AGAP1: variants seen among roughly 807,000 people sequenced by gnomAD.
AGAP1 encodes the protein arf-GAP with GTPase, ANK repeat and PH domain-containing protein 1.
In AGAP1, 29 loss-of-function variants were observed where a neutral mutation model predicts 105.3. The observed-to-expected ratio is 0.28, with a 90% CI of 0.21 to 0.38. The LOEUF is 0.38. Among genes scored for constraint, AGAP1 ranks in the 10% least tolerant of loss-of-function variants. The pLI is 1.00. For synonymous variants in AGAP1, 509 were observed against 485.9 expected, an observed-to-expected ratio of 1.05 and a Z score of -0.63; for missense variants, 998 against 1,165.1, an observed-to-expected ratio of 0.86 and a Z score of 2.09.
Position 235,843,806 on chromosome 2 carries a change from C to T in AGAP1, c.1050+36475C>T, listed in dbSNP as rs1175669379. 1.3e-5 allele frequency among the ~76,000 whole-genome samples: 2 copies of T among 152,192 alleles called. No homozygotes were observed. The highest frequency in any genetic ancestry group is 2.9e-5 in the Non-Finnish European group (2 of 68,040). On this transcript the variant is annotated intron_variant, in intron 9 of 17. Transcript: ENST00000304032. This position sits in a 1 kb window ranked among gnomAD's most constrained non-coding sequence, Gnocchi z 5.9. Reference sequence around the variant, plus strand: ...CATAGAGCTGGGGTGCCAGTGGCCACCATCGGGAGTCACTGCCACATTTTC... The same window carrying T: ...CATAGAGCTGGGGTGCCAGTGGCCATCATCGGGAGTCACTGCCACATTTTC...
intron 13 of AGAP1, among the ~76,000 whole-genome samples, chr2:236,011,963 T>A (rs547493503): frequency 6.6e-4 from 100 of 152,100 alleles, no homozygotes; most frequent in African/African-American, 2.3e-3. Flanking sequence ...TAACCCAAGG[T>A]GTTATTGATG....
intron 11 of AGAP1, among the ~76,000 whole-genome samples, chr2:235,909,160 T>C (rs922535704): frequency 2.6e-5 from 4 of 152,210 alleles, no homozygotes; most frequent in Non-Finnish European, 5.9e-5. Context: ...GGCTGCATAG[T>C]GGAAAGTGAA....
At position 235,556,699 on chromosome 2, in the gene AGAP1, A is replaced by T. The variant is rs557276399; in HGVS notation, c.163+61850A>T. Among the ~76,000 whole-genome samples the T allele has an allele frequency of 6.6e-6, 1 of 152,256 alleles. No individual in the cohort carries two copies. The highest frequency in any genetic ancestry group is 1.5e-5 in the Non-Finnish European group (1 of 68,046). On this transcript the variant is annotated intron_variant, in intron 1 of 17. Transcript: ENST00000304032. The surrounding 1 kb of genome is among the most constrained non-coding windows in gnomAD (Gnocchi z 5.3). ...TAACACAAATGAATGTAAGATAGTTATATGTGTCTACTGCCTTAGAAAGTA... is the reference window on the plus strand; with the variant it reads ...TAACACAAATGAATGTAAGATAGTTTTATGTGTCTACTGCCTTAGAAAGTA...
At chr2:235,540,179 C>G (rs1943389471) in intron 1 of AGAP1, among the ~76,000 whole-genome samples, 1 of 130,680 alleles carries the variant, frequency 7.7e-6, no homozygotes, top group Non-Finnish European at 1.6e-5. Context: ...GAGACAGAGT[C>G]TTACTCTGTT....
At chr2:235,761,455 C>G (rs1161124829) in intron 6 of AGAP1, among the ~76,000 whole-genome samples, 2 of 152,188 alleles carry the variant, frequency 1.3e-5, no homozygotes, top group Non-Finnish European at 2.9e-5. Context: ...TTATCAATGA[C>G]ATAGAAAATG....
rs2059097187 is a variant in AGAP1 at position 236,092,761 on chromosome 2, A to G, written c.2115-27431A>G. ...AAAGCTTACTAAAAAGTTTAAAACA[A>G]TCAAGCAAAATAAAAGGTGGCTTCC... On this transcript the variant is annotated intron_variant, in intron 16 of 17. Transcript: ENST00000304032. The surrounding 1 kb of genome is among the most constrained non-coding windows in gnomAD (Gnocchi z 4.7). Among the ~76,000 whole-genome samples, 1 of 152,242 alleles carries G rather than the reference A, an allele frequency of 6.6e-6. No individual in the cohort carries two copies. Among genetic ancestry groups the G allele is most frequent in the Non-Finnish European group, 1.5e-5 (1 of 68,036 alleles).
chr2:235,815,249 C>A (rs969000534), intron 9 of AGAP1, among the ~76,000 whole-genome samples: 4 of 152,134 alleles, frequency 2.6e-5, no homozygotes, highest in Non-Finnish European at 4.4e-5. Context: ...GTTGATCTCT[C>A]GGTTCTAGAG....
intron 10 of AGAP1, among the ~76,000 whole-genome samples, chr2:235,886,501 C>T (rs541146841): frequency 1.3e-5 from 2 of 152,222 alleles, no homozygotes; most frequent in African/African-American, 2.4e-5. Context: ...AAAAATTCTC[C>T]TATCCACAGG....
At chr2:235,515,373 G>C (rs537787609) in intron 1 of AGAP1, among the ~76,000 whole-genome samples, 13 of 152,294 alleles carry the variant, frequency 8.5e-5, no homozygotes, top group African/African-American at 2.2e-4. Flanking sequence ...TTCTTGGCCA[G>C]GGGAGGCCTT....
chr2:235,544,905 G>A (rs1164722366), intron 1 of AGAP1, among the ~76,000 whole-genome samples: 1 of 152,214 alleles, frequency 6.6e-6, no homozygotes, highest in Non-Finnish European at 1.5e-5. Flanking sequence ...GTGTGGTGGG[G>A]AAGTTTTTGA....
intron 6 of AGAP1, among the ~76,000 whole-genome samples, chr2:235,771,716 C>T (rs557153057): frequency 6.6e-6 from 1 of 152,206 alleles, no homozygotes; most frequent in East Asian, 1.9e-4. Context: ...TCAGGGGCTC[C>T]CTCCTTCCTT....
intron 1 of AGAP1, among the ~76,000 whole-genome samples, chr2:235,626,868 A>T (rs1489783525): frequency 6.6e-6 from 1 of 152,232 alleles, no homozygotes; most frequent in Non-Finnish European, 1.5e-5. Flanking sequence ...CTTTATTTAC[A>T]AAAACACATG....
Position 235,635,837 on chromosome 2 carries a change from G to A in AGAP1, c.164-73342G>A, listed in dbSNP as rs11680070. Among the ~76,000 whole-genome samples, 48,010 of 151,938 alleles carry A rather than the reference G, an allele frequency of 0.32. 7,727 individuals carry two copies. The highest frequency in any genetic ancestry group is 0.48 in the South Asian group (2,300 of 4,800). On this transcript the variant is annotated intron_variant, in intron 1 of 17. Coordinates refer to ENST00000304032, the MANE Select transcript of AGAP1 (RefSeq NM_001037131.3). The surrounding 1 kb of genome is among the most constrained non-coding windows in gnomAD (Gnocchi z 5.3). The stretch of plus-strand genomic sequence containing the variant: ...TGCTTTAAAAGTCTCATCTTAGACC[G>A]GGCACAGTGACTCATGCCTGTAATC...
At chr2:235,634,913 C>A (rs930489177) in intron 1 of AGAP1, among the ~76,000 whole-genome samples, 1 of 152,076 alleles carries the variant, frequency 6.6e-6, no homozygotes, top group African/African-American at 2.4e-5. Flanking sequence ...GTTCCATGTA[C>A]GAGTGGATGG....
intron 6 of AGAP1, among the ~76,000 whole-genome samples, chr2:235,768,972 C>G (rs553058321): frequency 6.6e-6 from 1 of 152,344 alleles, no homozygotes; most frequent in South Asian, 2.1e-4. Flanking sequence ...TTCCTGATGA[C>G]AGACCTTAGC....
Position 235,773,814 on chromosome 2 carries a change from GT to G in AGAP1, c.673+23330del. On this transcript the variant is annotated intron_variant, in intron 6 of 17. Coordinates refer to ENST00000304032, the MANE Select transcript of AGAP1 (RefSeq NM_001037131.3). ...TCTTCTAATTAGTTGAGTGCCCTTT[GT>G]TTTCCTTTACTGTCCTTGCACCAAA... 7.5e-5 allele frequency: 30 copies of G among 398,954 alleles called. 2 individuals carry two copies. Among genetic ancestry groups the G allele is most frequent in the South Asian group, 6.0e-4 (30 of 50,390 alleles). 24.7% of individuals were successfully genotyped at this position (398,954 alleles called of 1,614,324 possible). A position where few individuals can be genotyped will look rare whatever the true frequency, so the allele number is the denominator to read the frequency against.
Position 235,600,309 on chromosome 2 carries a change from C to T in AGAP1, c.163+105460C>T, listed in dbSNP as rs948421529. On this transcript the variant is annotated intron_variant, in intron 1 of 17. Coordinates refer to ENST00000304032, the MANE Select transcript of AGAP1 (RefSeq NM_001037131.3). The surrounding 1 kb of genome is among the most constrained non-coding windows in gnomAD (Gnocchi z 4.8). Reference sequence around the variant, plus strand: ...GCTGCTCCTAAGGGAGGTGCTGGCACTACCTTTTCAGCCTGCATGGACTGT... The same window carrying T: ...GCTGCTCCTAAGGGAGGTGCTGGCATTACCTTTTCAGCCTGCATGGACTGT... 4.6e-5 allele frequency among the ~76,000 whole-genome samples: 7 copies of T among 152,106 alleles called. No individual in the cohort carries two copies. Among genetic ancestry groups the T allele is most frequent in the Non-Finnish European group, 8.8e-5 (6 of 68,026 alleles).
chr2:235,723,723 A>G lies in AGAP1; in HGVS notation c.310+6079A>G, dbSNP rs1951503582. On this transcript the variant is annotated intron_variant, in intron 3 of 17. Transcript: ENST00000304032. This position sits in a 1 kb window ranked among gnomAD's most constrained non-coding sequence, Gnocchi z 6.2. ...GAAAGGTGGCCCCACAAGCTTCCCA[A>G]GATGAAACTAAACTGTATATGGATT... Among the ~76,000 whole-genome samples the G allele has an allele frequency of 6.6e-6, 1 of 152,142 alleles. No individual in the cohort carries two copies. The highest frequency in any genetic ancestry group is 2.4e-5 in the African/African-American group (1 of 41,446).
At chr2:236,102,213 C>G (rs57021806) in intron 16 of AGAP1, among the ~76,000 whole-genome samples, 2,432 of 152,060 alleles carry the variant, frequency 0.016, 67 homozygotes, top group African/African-American at 0.055. Context: ...GTCAGGAGAT[C>G]GAGACCATCC....
Sources: gnomAD v4.1 joint callset for allele counts (sites outside exome capture counted in the v4.1 genomes callset) on GRCh38, gnomAD v4.1.1 for gene constraint, Gnocchi (gnomAD v3.1) non-coding constraint, MANE v1.5 for transcripts, NCBI Gene and HGNC (gene_info 2026-07-23, HGNC 2026-07-21) for gene names.